Variants in CADPS2 observed in about 807,000 individuals in gnomAD.
CADPS2 encodes the protein calcium dependent secretion activator 2, also known as calcium-dependent secretion activator 2.
In CADPS2, 93 loss-of-function variants were observed where a neutral mutation model predicts 172.5. The observed-to-expected ratio is 0.54, with a 90% CI of 0.46 to 0.64. CADPS2 has a LOEUF of 0.64. Among genes scored for constraint, CADPS2 ranks in the 30% least tolerant of loss-of-function variants. The probability of loss-of-function intolerance (pLI) is 0.00; values close to 1 mark genes in which losing one functional copy is unlikely to be tolerated. For synonymous variants in CADPS2, 546 were observed against 555.2 expected (o/e 0.98, Z 0.23); for missense variants, 1,420 against 1,565.9 (o/e 0.91, Z 1.57).
chr7:122,617,761 A>C (rs1343385392), intron 5 of CADPS2, among the ~76,000 whole-genome samples: 2 of 152,100 alleles, frequency 1.3e-5, no homozygotes, highest in East Asian at 3.9e-4. Context: ...AATCAACTAT[A>C]AGCCGGGCAC....
At chr7:122,360,846 C>T (rs45489900) in intron 26 of CADPS2, 26 bp from the exon 27 acceptor site, 224,395 of 1,578,130 alleles carry the variant, frequency 0.14, 16,812 homozygotes, top group Non-Finnish European at 0.15. Flanking sequence ...AAGAGATAAT[C>T]ATGAGAATTA....
intron 1 of CADPS2, among the ~76,000 whole-genome samples, chr7:122,879,436 T>C (rs995540953): frequency 1.4e-5 from 2 of 147,400 alleles, no homozygotes; most frequent in Non-Finnish European, 3.0e-5. Flanking sequence ...CTAGGGAGGC[T>C]GAGTCAGGAG....
chr7:122,718,853 G>T (rs1358478396), intron 2 of CADPS2, among the ~76,000 whole-genome samples: 1 of 152,104 alleles, frequency 6.6e-6, no homozygotes, highest in African/African-American at 2.4e-5. Context: ...CTGTTTCTTA[G>T]AAAGAATGTG....
chr7:122,868,137 G>A (rs960187421), intron 1 of CADPS2, among the ~76,000 whole-genome samples: 4 of 151,892 alleles, frequency 2.6e-5, no homozygotes, highest in African/African-American at 9.7e-5. Context: ...TGCATGCATC[G>A]AGTGCTCCAA....
At chr7:122,378,173 C>T (rs190468560) in intron 25 of CADPS2, among the ~76,000 whole-genome samples, 1 of 152,212 alleles carries the variant, frequency 6.6e-6, no homozygotes, top group Non-Finnish European at 1.5e-5. Context: ...ATTTGCTTTA[C>T]CTTTTCCCTC....
At chr7:122,574,961 C>T (rs1022209795) in intron 7 of CADPS2, among the ~76,000 whole-genome samples, 1 of 151,906 alleles carries the variant, frequency 6.6e-6, no homozygotes, top group Non-Finnish European at 1.5e-5. Flanking sequence ...AATTAAAATC[C>T]CCAATATTAG....
At chr7:122,487,935 G>GT (rs1459050217) in intron 11 of CADPS2, among the ~76,000 whole-genome samples, 2 of 152,162 alleles carry the variant, frequency 1.3e-5, no homozygotes, top group African/African-American at 4.8e-5. Flanking sequence ...AACAAAAACA[G>GT]TAAGACTGAA....
At position 122,636,442 on chromosome 7, in the gene CADPS2, G is replaced by A. The variant is rs553693937; in HGVS notation, c.787-7114C>T. The stretch of plus-strand genomic sequence containing the variant: ...ACAGGCCCCCATCCTCTTCCGGCTC[G>A]TAAGGTTTCCACAAGAGATGTTTTT... On this transcript the variant is annotated intron_variant, in intron 3 of 29. Transcript: ENST00000449022. Among the ~76,000 whole-genome samples the A allele has an allele frequency of 1.3e-4, 19 of 148,530 alleles. 1 individual carries two copies. Among genetic ancestry groups the A allele is most frequent in the South Asian group, 6.4e-4 (3 of 4,682 alleles).
chr7:122,595,003 A>T (rs1026591907), intron 6 of CADPS2, among the ~76,000 whole-genome samples: 2 of 151,990 alleles, frequency 1.3e-5, no homozygotes, highest in Admixed American at 6.6e-5. Context: ...AATGAGCACA[A>T]CTATACTGTA....
At chr7:122,401,897 G>A (rs2046000280) in intron 20 of CADPS2, among the ~76,000 whole-genome samples, 1 of 152,068 alleles carries the variant, frequency 6.6e-6, no homozygotes, top group Non-Finnish European at 1.5e-5. Flanking sequence ...GGTGCAGCTG[G>A]TGCTCTTCCC....
intron 1 of CADPS2, among the ~76,000 whole-genome samples, chr7:122,795,334 G>A (rs62483615): frequency 0.19 from 28,512 of 151,844 alleles, 2,794 homozygotes; most frequent in Middle Eastern, 0.27. Flanking sequence ...GAACACTTCC[G>A]TGCACATAAA....
intron 1 of CADPS2, among the ~76,000 whole-genome samples, chr7:122,842,245 A>G (rs987971681): frequency 2.0e-5 from 3 of 152,180 alleles, no homozygotes; most frequent in Non-Finnish European, 4.4e-5. Flanking sequence ...ACCAAACTCG[A>G]CTACAGCCAT....
intron 29 of CADPS2, among the ~76,000 whole-genome samples, chr7:122,323,391 G>A (rs866105177): frequency 2.6e-5 from 4 of 152,098 alleles, no homozygotes; most frequent in African/African-American, 9.6e-5. Context: ...CTGACTTACA[G>A]TAAAATGGAA....
chr7:122,877,583 CATA>C (rs1254811898), intron 1 of CADPS2, among the ~76,000 whole-genome samples: 7 of 151,970 alleles, frequency 4.6e-5, no homozygotes, highest in Non-Finnish European at 4.4e-5. Context: ...CCCATTTATC[CATA>C]ATGAGATTTA....
At chr7:122,438,217 T>C in intron 17 of CADPS2, 124 bp downstream of exon 17, 1 of 1,215,354 alleles carries the variant, frequency 8.2e-7, no homozygotes, top group Non-Finnish European at 1.2e-6. Flanking sequence ...GAGATTTTAA[T>C]GAGACATTTC....
At chr7:122,506,970 T>C (rs2059656599) in intron 9 of CADPS2, among the ~76,000 whole-genome samples, 1 of 152,126 alleles carries the variant, frequency 6.6e-6, no homozygotes, top group South Asian at 2.1e-4. Context: ...TTTCTACTCA[T>C]GTACCAGGCA....
At chr7:122,794,047 T>C (rs961937853) in intron 1 of CADPS2, among the ~76,000 whole-genome samples, 1 of 152,132 alleles carries the variant, frequency 6.6e-6, no homozygotes, top group Non-Finnish European at 1.5e-5. Context: ...TTTCTAGCTG[T>C]CATGAACATT....
chr7:122,695,165 A>G (rs997007825), intron 2 of CADPS2, among the ~76,000 whole-genome samples: 1 of 152,240 alleles, frequency 6.6e-6, no homozygotes, highest in South Asian at 2.1e-4. Context: ...GAGGTACTGT[A>G]TAGATGGAGT....
At chr7:122,570,361 A>G (rs1181553899) in intron 7 of CADPS2, among the ~76,000 whole-genome samples, 4 of 151,800 alleles carry the variant, frequency 2.6e-5, no homozygotes, top group Non-Finnish European at 5.9e-5. Context: ...TAGAATGGCA[A>G]TCATTAAAAA....
Sources: allele counts gnomAD v4.1 joint callset (sites outside exome capture counted in the v4.1 genomes callset), GRCh38; gene constraint gnomAD v4.1.1; transcripts MANE v1.5; gene names NCBI Gene and HGNC (gene_info 2026-07-23, HGNC 2026-07-21).